The following NTM variants were observed in gnomAD, a reference collection of about 807,000 sequenced individuals.
NTM encodes the protein neurotrimin, also known as IgLON family member 2.
Under a neutral mutation model 42.1 loss-of-function variants are expected in NTM, and 13 were observed. That is an observed-to-expected ratio of 0.31 (90% CI 0.20 to 0.49). The LOEUF (loss-of-function observed/expected upper bound fraction) is 0.49. Ranked by LOEUF, NTM falls within the 20% of genes least tolerant of loss-of-function variation. The pLI, the probability that NTM is intolerant of heterozygous loss-of-function variation, is 0.99. For synonymous variants in NTM, 187 were observed against 179.2 expected, an observed-to-expected ratio of 1.04 and a Z score of -0.35; for missense variants, 373 against 452.8, an observed-to-expected ratio of 0.82 and a Z score of 1.60.
chr11:131,761,719 G>A (rs2084213560), intron 1 of NTM, among the ~76,000 whole-genome samples: 1 of 152,042 alleles, frequency 6.6e-6, no homozygotes, highest in South Asian at 2.1e-4. Flanking sequence ...TGGGGCAGGG[G>A]AATCGCTTGA....
At chr11:131,896,266 T>C (rs113709240) in intron 1 of NTM, among the ~76,000 whole-genome samples, 1,686 of 152,230 alleles carry the variant, frequency 0.011, 31 homozygotes, top group African/African-American at 0.038. Flanking sequence ...ATAACACCTA[T>C]CACATACTTC....
chr11:131,502,907 A>C (rs1012611437), intron 1 of NTM: 1 of 152,376 alleles, frequency 6.6e-6, no homozygotes. Flanking sequence ...AGAAGTCATC[A>C]TATCCATGGC....
rs149973692 is a variant in NTM, at chr11:131,947,276, G to A, written c.167+35628G>A. Reference sequence around the variant, plus strand: ...GATGCCTTCTTACATTGTGTTCTCCGTACCTGGTATTGAGGGACTGGGTTT... The same window carrying A: ...GATGCCTTCTTACATTGTGTTCTCCATACCTGGTATTGAGGGACTGGGTTT... On this transcript the variant is annotated intron_variant, in intron 2 of 8. Coordinates refer to ENST00000683400, the MANE Select transcript of NTM (RefSeq NM_001352005.2). Among the ~76,000 whole-genome samples, 647 of 152,122 alleles carry A rather than the reference G, an allele frequency of 4.3e-3. 3 individuals carry two copies. Among genetic ancestry groups the A allele is most frequent in the African/African-American group, 0.015 (611 of 41,472 alleles).
At chr11:132,268,670 C>CTGTGTGTG (rs780327988) in intron 4 of NTM, among the ~76,000 whole-genome samples, 7 of 146,316 alleles carry the variant, frequency 4.8e-5, no homozygotes, top group South Asian at 4.5e-4. Context: ...CTCTCTCTCT[C>CTGTGTGTG]TGTGTGTGTG....
At chr11:131,835,072 C>A (rs2043314369) in intron 1 of NTM, among the ~76,000 whole-genome samples, 1 of 152,086 alleles carries the variant, frequency 6.6e-6, no homozygotes, top group Non-Finnish European at 1.5e-5. Context: ...ACATCCCTGT[C>A]CTCATGGGGC....
At chr11:131,882,786 G>GCTTA (rs2049757484) in intron 1 of NTM, among the ~76,000 whole-genome samples, 1 of 152,198 alleles carries the variant, frequency 6.6e-6, no homozygotes, top group Admixed American at 6.5e-5. Flanking sequence ...GCAACTCTTA[G>GCTTA]CTTAATTCAA....
intron 7 of NTM, among the ~76,000 whole-genome samples, chr11:132,319,628 C>T (rs1005432029): frequency 2.0e-5 from 3 of 152,234 alleles, no homozygotes; most frequent in Non-Finnish European, 4.4e-5. Context: ...CTGGGAAGCA[C>T]GAACTGGGTG....
chr11:131,838,974 T>G (rs1345717469), intron 1 of NTM, among the ~76,000 whole-genome samples: 6 of 151,808 alleles, frequency 4.0e-5, no homozygotes, highest in African/African-American at 1.5e-4. Context: ...TTTTTTTTTT[T>G]TTTTTAGATG....
At chr11:131,537,939 C>T (rs385926) in intron 1 of NTM, 95,451 of 151,970 alleles carry the variant, frequency 0.63, 34,077 homozygotes, top group Non-Finnish European at 0.8. Context: ...GGACAGCTGT[C>T]CTGTGAGTGG....
At chr11:132,253,533 T>C (rs2092190548) in intron 4 of NTM, among the ~76,000 whole-genome samples, 2 of 152,226 alleles carry the variant, frequency 1.3e-5, no homozygotes, top group Admixed American at 1.3e-4. Context: ...CACTTATTGA[T>C]TGAATGCTAG....
chr11:131,563,361 C>T (rs1233898887), intron 1 of NTM, among the ~76,000 whole-genome samples: 7 of 152,114 alleles, frequency 4.6e-5, no homozygotes, highest in African/African-American at 1.7e-4. Flanking sequence ...TCAAGGACGG[C>T]ACTCTCTAAA....
chr11:131,494,084 CCT>C (rs1362731138), intron 1 of NTM, among the ~76,000 whole-genome samples: 1 of 152,160 alleles, frequency 6.6e-6, no homozygotes, highest in African/African-American at 2.4e-5. Context: ...TGCACTTTCC[CCT>C]GTCTCTACCC....
chr11:131,599,631 G>A (rs1460345279), intron 1 of NTM, among the ~76,000 whole-genome samples: 1 of 152,212 alleles, frequency 6.6e-6, no homozygotes, highest in African/African-American at 2.4e-5. Context: ...CAGTCATTGA[G>A]GTCATAATGG....
intron 1 of NTM, among the ~76,000 whole-genome samples, chr11:131,645,878 C>G (rs534506861): frequency 6.6e-6 from 1 of 152,296 alleles, no homozygotes; most frequent in South Asian, 2.1e-4. Context: ...TAACATCACT[C>G]TATACCATTA....
chr11:131,614,081 G>A (rs141762376), intron 1 of NTM, among the ~76,000 whole-genome samples: 14 of 152,350 alleles, frequency 9.2e-5, no homozygotes, highest in African/African-American at 3.1e-4. Flanking sequence ...GGGCGGAGAT[G>A]CCCAGGACTT....
intron 1 of NTM, among the ~76,000 whole-genome samples, chr11:131,632,603 C>A (rs1158984046): frequency 3.3e-5 from 5 of 149,850 alleles, no homozygotes; most frequent in Admixed American, 6.6e-5. Context: ...TTATTCTTTT[C>A]CCCCCTTTTC....
At chr11:131,998,523 C>T (rs556880164) in intron 2 of NTM, among the ~76,000 whole-genome samples, 21 of 152,268 alleles carry the variant, frequency 1.4e-4, no homozygotes, top group Admixed American at 1.1e-3. Flanking sequence ...TGTTTTTATG[C>T]ATTTTACCAC....
intron 3 of NTM, among the ~76,000 whole-genome samples, chr11:132,179,226 C>T (rs147121119): frequency 2.6e-5 from 4 of 152,224 alleles, no homozygotes; most frequent in East Asian, 1.9e-4. Context: ...TTGAGGAAGG[C>T]TCCTAGGAAT....
intron 1 of NTM, among the ~76,000 whole-genome samples, chr11:131,876,547 G>T (rs1301928978): frequency 6.6e-6 from 1 of 152,218 alleles, no homozygotes; most frequent in Non-Finnish European, 1.5e-5. Flanking sequence ...TCTGCTAGAA[G>T]AATATCATAT....
Sources: gnomAD v4.1 joint callset for allele counts (sites outside exome capture counted in the v4.1 genomes callset) on GRCh38, gnomAD v4.1.1 for gene constraint, MANE v1.5 for transcripts, NCBI Gene and HGNC (gene_info 2026-07-23, HGNC 2026-07-21) for gene names.